The following RFX4 variants were observed in gnomAD, a reference collection of about 807,000 sequenced individuals.
The protein encoded by RFX4 is transcription factor RFX4.
Under a neutral mutation model 95.0 loss-of-function variants are expected in RFX4, and 10 were observed. The observed-to-expected ratio is 0.11, with a 90% confidence interval of 0.06 to 0.18. RFX4 has a LOEUF of 0.18. Among genes scored for constraint, RFX4 ranks in the 10% least tolerant of loss-of-function variants. The pLI, the probability that RFX4 is intolerant of heterozygous loss-of-function variation, is 1.00. For missense variants in RFX4, 640 were observed against 922.0 expected, an observed-to-expected ratio of 0.69 and a Z score of 3.96; for synonymous variants, 321 against 340.7, an observed-to-expected ratio of 0.94 and a Z score of 0.64.
intron 4 of RFX4, among the ~76,000 whole-genome samples, chr12:106,658,725 A>G (rs766436861): frequency 5.9e-5 from 9 of 152,188 alleles, no homozygotes; most frequent in Non-Finnish European, 1.2e-4. Context: ...TGCTGGGGCC[A>G]GGGGTCCTGT....
intron 1 of RFX4, among the ~76,000 whole-genome samples, chr12:106,598,008 T>C (rs1004076570): frequency 2.0e-5 from 3 of 152,238 alleles, no homozygotes; most frequent in African/African-American, 7.2e-5. Flanking sequence ...GTGCTTTCTG[T>C]GCATTTGTTC....
rs2039631554 is a variant in RFX4, at chr12:106,597,125, A to T, written c.44-11672A>T. Among the ~76,000 whole-genome samples the T allele has an allele frequency of 2.6e-5, 4 of 152,202 alleles. No homozygotes were observed. The South Asian group carries it at 8.3e-4, about 32-fold the overall frequency. On this transcript the variant is annotated intron_variant, in intron 1 of 17. Coordinates refer to ENST00000392842, the MANE Select transcript of RFX4 (RefSeq NM_213594.3). ...TCTGTCCTTTCCTCCACTTCTATTG[A>T]TCTGCTATTCTGGGCCAAGGGCTGT...
chr12:106,659,650 C>T (rs1216418440), intron 4 of RFX4, among the ~76,000 whole-genome samples: 1 of 152,178 alleles, frequency 6.6e-6, no homozygotes, highest in African/African-American at 2.4e-5. Flanking sequence ...CGTGTCTAGT[C>T]CTCTAAATAA....
At chr12:106,715,578 T>C in intron 11 of RFX4, 34 bp downstream of exon 11, 1 of 1,604,108 alleles carries the variant, frequency 6.2e-7, no homozygotes, top group South Asian at 1.1e-5. Context: ...TTGTCCTGTT[T>C]TTATTTTTAA....
intron 4 of RFX4, among the ~76,000 whole-genome samples, chr12:106,668,850 T>C (rs77424084): frequency 0.015 from 2,209 of 152,244 alleles, 60 homozygotes; most frequent in African/African-American, 0.051. Flanking sequence ...GAGGGTGACA[T>C]GATTCATGGT....
intron 2 of RFX4, among the ~76,000 whole-genome samples, chr12:106,613,985 TAA>T (rs1292940059): frequency 6.6e-6 from 1 of 152,216 alleles, no homozygotes; most frequent in African/African-American, 2.4e-5. Flanking sequence ...TATCAATTTA[TAA>T]GTTTCAGTGT....
chr12:106,680,822 C>T (rs764005659), intron 4 of RFX4: 2 of 152,200 alleles, frequency 1.3e-5, no homozygotes, highest in Non-Finnish European at 2.9e-5. Context: ...CAGCTATTTA[C>T]ATACATTCAC....
intron 3 of RFX4, among the ~76,000 whole-genome samples, chr12:106,640,946 A>G (rs1264404133): frequency 1.3e-5 from 2 of 151,862 alleles, no homozygotes; most frequent in South Asian, 2.1e-4. Flanking sequence ...ATGCCCGGCT[A>G]ATTTTTGTGC....
intron 2 of RFX4, among the ~76,000 whole-genome samples, chr12:106,613,882 G>A (rs1163511656): frequency 6.6e-6 from 1 of 152,144 alleles, no homozygotes; most frequent in African/African-American, 2.4e-5. Flanking sequence ...GTTCCCAGGA[G>A]TAGAATTGCT....
intron 4 of RFX4, among the ~76,000 whole-genome samples, chr12:106,656,360 C>T (rs1165131951): frequency 6.6e-6 from 1 of 152,198 alleles, no homozygotes; most frequent in Admixed American, 6.5e-5. Context: ...GAAACGTTCC[C>T]AGCATCACAG....
chr12:106,668,551 C>T (rs4246257), intron 4 of RFX4, among the ~76,000 whole-genome samples: 57,015 of 151,900 alleles, frequency 0.38, 10,853 homozygotes, highest in African/African-American at 0.43. Flanking sequence ...GGCAACACAG[C>T]GAGAGCCCCT....
chr12:106,668,565 A>C (rs893976969), intron 4 of RFX4, among the ~76,000 whole-genome samples: 5 of 152,150 alleles, frequency 3.3e-5, no homozygotes, highest in Non-Finnish European at 7.4e-5. Flanking sequence ...AGCCCCTCTT[A>C]AAAAAATTTT....
At chr12:106,601,151 C>T in intron 1 of RFX4, 1 of 1,463,718 alleles carries the variant, frequency 6.8e-7, no homozygotes, top group Non-Finnish European at 9.1e-7. Context: ...CCATGGCAAC[C>T]CACTGACCTG....
At chr12:106,739,875 C>T (rs1374840879) in intron 15 of RFX4, among the ~76,000 whole-genome samples, 1 of 152,166 alleles carries the variant, frequency 6.6e-6, no homozygotes, top group Non-Finnish European at 1.5e-5. Context: ...GGAAAACTGG[C>T]TCCTTTCCTC....
intron 2 of RFX4, among the ~76,000 whole-genome samples, chr12:106,614,721 G>T (rs933297303): frequency 5.3e-5 from 8 of 151,816 alleles, no homozygotes; most frequent in Admixed American, 2.0e-4. Flanking sequence ...GTGTTAGCCA[G>T]GATGGTCTCG....
intron 5 of RFX4, chr12:106,684,598 T>A (rs2041601682): frequency 5.2e-6 from 5 of 961,800 alleles, no homozygotes; most frequent in Non-Finnish European, 7.3e-6. Flanking sequence ...GATCTGGCTC[T>A]TAAGAAGTTA....
intron 11 of RFX4, among the ~76,000 whole-genome samples, chr12:106,717,347 A>G (rs2042313607): frequency 6.6e-6 from 1 of 152,222 alleles, no homozygotes; most frequent in African/African-American, 2.4e-5. Flanking sequence ...TGAGGGACGA[A>G]AATGTGAACC....
rs2042984014 is a variant in RFX4, at chr12:106,750,639, G to A, written c.1797-16G>A. The stretch of plus-strand genomic sequence containing the variant: ...TGCTATTACTCACACTATTCAATGT[G>A]CTTGATGCATTTTAGATACACGGGA... On this transcript the variant is annotated splice_polypyrimidine_tract_variant and intron_variant, in intron 16 of 17. Transcript: ENST00000392842. 1 of 1,584,460 alleles carries A rather than the reference G, an allele frequency of 6.3e-7. No individual in the cohort carries two copies. The highest frequency in any genetic ancestry group is 8.6e-7 in the Non-Finnish European group (1 of 1,166,126).
intron 2 of RFX4, among the ~76,000 whole-genome samples, chr12:106,617,575 G>A (rs1406194265): frequency 1.3e-5 from 2 of 151,942 alleles, no homozygotes; most frequent in African/African-American, 4.8e-5. Flanking sequence ...TTCTCTTTTA[G>A]TTCCACTGTG....
Sources: allele counts gnomAD v4.1 joint callset (sites outside exome capture counted in the v4.1 genomes callset), GRCh38; gene constraint gnomAD v4.1.1; transcripts MANE v1.5; gene names NCBI Gene and HGNC (gene_info 2026-07-23, HGNC 2026-07-21).